The following ACCSL variants were observed in gnomAD, a reference collection of about 807,000 sequenced individuals.
The protein encoded by ACCSL is 1-aminocyclopropane-1-carboxylate synthase homolog (inactive) like.
In ACCSL, 55 loss-of-function variants were observed where a neutral mutation model predicts 61.7. That is an observed-to-expected ratio of 0.89 (90% CI 0.72 to 1.12). ACCSL has a LOEUF of 1.12. Among genes scored for constraint, ACCSL ranks in the 50% most tolerant of loss-of-function variants. ACCSL has a pLI of 0.00. For synonymous variants in ACCSL, 258 were observed against 264.3 expected (o/e 0.98, Z 0.23); for missense variants, 632 against 698.0 (o/e 0.91, Z 1.07).
chr11:44,021,933 T>C, the ACCSL span, among the ~76,000 whole-genome samples: 3 of 152,166 alleles, frequency 2.0e-5, no homozygotes, highest in Non-Finnish European at 4.4e-5. Context: ...CTGTAAGTAT[T>C]TGGCTTTATT....
At chr11:43,953,843 C>T in the ACCSL span, among the ~76,000 whole-genome samples, 1 of 152,218 alleles carries the variant, frequency 6.6e-6, no homozygotes, top group Non-Finnish European at 1.5e-5. Context: ...ATAGGTCGCT[C>T]TGCCTATGGT....
At chr11:43,950,671 A>T in the ACCSL span, among the ~76,000 whole-genome samples, 1 of 152,328 alleles carries the variant, frequency 6.6e-6, no homozygotes, top group East Asian at 1.9e-4. Context: ...CCTACAACCC[A>T]GCGGGATGAT....
intron 2 of ACCSL, 112 bp from the exon 3 acceptor site, chr11:44,050,440 T>G (rs1952629485): frequency 2.2e-6 from 2 of 916,302 alleles, no homozygotes; most frequent in Admixed American, 3.9e-5. Flanking sequence ...ACCCATTCCC[T>G]TTCTAGGAGG....
the ACCSL span, among the ~76,000 whole-genome samples, chr11:43,979,177 T>A: frequency 6.6e-6 from 1 of 151,986 alleles, no homozygotes; most frequent in South Asian, 2.1e-4. Flanking sequence ...CAAATAATTT[T>A]AAAAATTAGC....
chr11:43,944,995 C>T, the ACCSL span: 1 of 152,372 alleles, frequency 6.6e-6, no homozygotes, highest in South Asian at 2.1e-4. Context: ...TACCCAGTCT[C>T]TCAGCTGCAG....
intron 3 of ACCSL, 86 bp downstream of exon 3, chr11:44,050,708 G>T: frequency 7.8e-7 from 1 of 1,279,108 alleles, no homozygotes; most frequent in Non-Finnish European, 1.1e-6. Context: ...CAAATTCCTG[G>T]TTGGTTACCT....
At chr11:43,961,052 T>C in the ACCSL span, among the ~76,000 whole-genome samples, 3 of 152,038 alleles carry the variant, frequency 2.0e-5, no homozygotes, top group Non-Finnish European at 4.4e-5. Flanking sequence ...AACTCCTGAC[T>C]TCAGGTGATC....
At chr11:44,000,091 G>A in the ACCSL span, among the ~76,000 whole-genome samples, 3 of 152,064 alleles carry the variant, frequency 2.0e-5, no homozygotes, top group African/African-American at 7.2e-5. Context: ...ACCAGCCTGA[G>A]CAAAATGGTG....
In ACCSL at chr11:44,059,860, G is replaced by T; in HGVS notation, c.1647G>T (p.Val549=). 3 of 1,613,822 alleles carry T rather than the reference G, an allele frequency of 1.9e-6. No individual in the cohort carries two copies. Among genetic ancestry groups the T allele is most frequent in the Non-Finnish European group, 1.7e-6 (2 of 1,179,822 alleles). ...LKLAMRRFCD[V]LQEQKEALIV... ...TAGCTATGCGTCGGTTCTGTGATGT[G>T]CTGCAGGAGCAGAAGGAGGCTTTGA... Residue 549 remains valine, a synonymous_variant, in exon 14 of 14, where the codon GTG becomes GTT. Transcript: ENST00000378832.
At chr11:43,970,830 G>A in the ACCSL span, among the ~76,000 whole-genome samples, 3 of 152,222 alleles carry the variant, frequency 2.0e-5, no homozygotes, top group Admixed American at 6.5e-5. Context: ...CGGTCAGTGG[G>A]AGCCCAGTAG....
the ACCSL span, among the ~76,000 whole-genome samples, chr11:43,992,034 T>TTTTC: frequency 8.6e-3 from 1,259 of 145,900 alleles, 8 homozygotes; most frequent in Non-Finnish European, 0.013. Context: ...TTCCTTTTTC[T>TTTTC]TTTCTTTCTT....
chr11:44,014,483 C>CAGAGAGAGAGAGAGAGAGAG, the ACCSL span, among the ~76,000 whole-genome samples: 1 of 128,934 alleles, frequency 7.8e-6, no homozygotes, highest in African/African-American at 3.0e-5. Context: ...GAGAGATAGC[C>CAGAGAGAGAGAGAGAGAGAG]AGAGAGAGAG....
chr11:43,977,218 T>C, the ACCSL span, among the ~76,000 whole-genome samples: 1 of 152,234 alleles, frequency 6.6e-6, no homozygotes, highest in Non-Finnish European at 1.5e-5. Flanking sequence ...CTCTCCACTA[T>C]GTCCTAATCC....
Position 44,053,500 on chromosome 11 carries a change from C to A in ACCSL, c.1043C>A (p.Ala348Asp), listed in dbSNP as rs368547223. 1.9e-5 allele frequency: 30 copies of A among 1,613,512 alleles called. No individual in the cohort carries two copies. The African/African-American group carries it at 2.9e-4, about 16-fold the overall frequency. Residue 348 changes from alanine to aspartate, a missense_variant, in exon 8 of 14, where the codon GCC becomes GAC. By Grantham distance (126) the Ala-to-Asp change is moderately radical. Transcript: ENST00000378832. ...TCACTGATGAAATACCTGGAATTTG[C>A]CAAGAGGTATGAGTTCTACCCCTTG... ...PDSLMKYLEF[A>D]KRYNLHVIID...
chr11:43,957,003 T>C, the ACCSL span, among the ~76,000 whole-genome samples: 1 of 152,162 alleles, frequency 6.6e-6, no homozygotes, highest in Non-Finnish European at 1.5e-5. Context: ...AGGTGAAGGT[T>C]TGAAGAAAAA....
At chr11:44,012,940 A>G in the ACCSL span, among the ~76,000 whole-genome samples, 1 of 152,160 alleles carries the variant, frequency 6.6e-6, no homozygotes, top group Non-Finnish European at 1.5e-5. Flanking sequence ...CCTCTCAACA[A>G]CAAAGAATAA....
At chr11:43,954,535 A>T in the ACCSL span, among the ~76,000 whole-genome samples, 4 of 152,000 alleles carry the variant, frequency 2.6e-5, no homozygotes, top group Non-Finnish European at 5.9e-5. Flanking sequence ...TTTATTATGC[A>T]GATGGGTTCT....
the ACCSL span, chr11:43,942,451 C>T: frequency 9.4e-5 from 20 of 212,242 alleles, no homozygotes; most frequent in African/African-American, 4.6e-4. Flanking sequence ...GCCTGCCTTC[C>T]GGAGCCGGTT....
At chr11:44,058,260 C>T in intron 11 of ACCSL, 57 bp from the exon 12 acceptor site, 1 of 1,579,346 alleles carries the variant, frequency 6.3e-7, no homozygotes, top group South Asian at 1.1e-5. Context: ...TGGGAAGGAA[C>T]TCTCGGTAGA....
Sources: gnomAD v4.1 joint callset for allele counts (sites outside exome capture counted in the v4.1 genomes callset) on GRCh38, gnomAD v4.1.1 for gene constraint, MANE v1.5 for transcripts, NCBI Gene and HGNC (gene_info 2026-07-23, HGNC 2026-07-21) for gene names.